Variants in EXPH5 observed in about 807,000 individuals in gnomAD.
EXPH5 encodes the protein exophilin 5.
Under a neutral mutation model 41.1 loss-of-function variants are expected in EXPH5, and 42 were observed. The observed-to-expected ratio is 1.02, with a 90% CI of 0.80 to 1.32. EXPH5 has a LOEUF of 1.32. Ranked by LOEUF, EXPH5 falls within the 40% of genes most tolerant of loss-of-function variation. The pLI is 0.00. For missense variants in EXPH5, 2,298 were observed against 2,314.5 expected (o/e 0.99, Z 0.15); for synonymous variants, 798 against 833.5 (o/e 0.96, Z 0.73).
chr11:108,601,026 G>C, the EXPH5 span, among the ~76,000 whole-genome samples: 1 of 152,226 alleles, frequency 6.6e-6, no homozygotes. Flanking sequence ...GGCAAGAACT[G>C]TTCACCATAC....
intron 3 of EXPH5, among the ~76,000 whole-genome samples, chr11:108,532,366 ATTTTTTTTTTTT>A (rs1168217383): frequency 1.3e-3 from 41 of 32,100 alleles, no homozygotes; most frequent in South Asian, 6.0e-3. Context: ...ATATATATAT[ATTTTTTTTTTTT>A]TTTTTTTTTT....
In EXPH5 at chr11:108,559,007, C is replaced by A. The variant is rs182879718; in HGVS notation, c.120-17195G>T. On this transcript the variant is annotated intron_variant, in intron 1 of 5. Transcript: ENST00000265843. ...AATTAAGCTTGTACCTAGCTCAGAC[C>A]CCCCTCACCCCACCAGCATGATGAT... is the stretch of plus-strand genomic sequence containing the variant. 4.1e-4 allele frequency among the ~76,000 whole-genome samples: 63 copies of A among 152,194 alleles called. No individual in the cohort carries two copies. The East Asian group carries it at 8.9e-3, about 21-fold the overall frequency.
intron 4 of EXPH5, among the ~76,000 whole-genome samples, chr11:108,525,511 G>A (rs1749908667): frequency 6.6e-6 from 1 of 152,200 alleles, no homozygotes; most frequent in South Asian, 2.1e-4. Flanking sequence ...TGTTTCTCTA[G>A]CTCTAAAATT....
At position 108,582,235 on chromosome 11, in the gene EXPH5, G is replaced by A. The variant is rs536036855; in HGVS notation, c.119+11183C>T. Among the ~76,000 whole-genome samples, 17 of 152,226 alleles carry A rather than the reference G, an allele frequency of 1.1e-4. 1 individual carries two copies. Among genetic ancestry groups the A allele is most frequent in the African/African-American group, 3.6e-4 (15 of 41,514 alleles). ...TCCCAGCACTTTGGGAGGCTGGGGCGGGGGATCACTTGAACCCAAGAGTTC... is the reference window on the plus strand; with the variant it reads ...TCCCAGCACTTTGGGAGGCTGGGGCAGGGGATCACTTGAACCCAAGAGTTC... On this transcript the variant is annotated intron_variant, in intron 1 of 5. Transcript: ENST00000265843.
rs755678654 is a variant in EXPH5 at position 108,513,851 on chromosome 11, C to T, written c.1656G>A (p.Gln552=). The change falls in exon 6 of 6, where the codon CAG becomes CAA. Residue 552 remains glutamine (Q), a synonymous_variant. Transcript: ENST00000265843. ...SRGQEEPHPW[Q]FDFQRSTLDS... is the part of the protein sequence containing the mutation. The stretch of plus-strand genomic sequence containing the variant: ...CCAGTGTGGATCTCTGAAAATCAAA[C>T]TGCCAAGGATGTGGCTCTTCTTGGC... The T allele has an allele frequency of 1.3e-6, 2 of 1,588,480 alleles. No homozygotes were observed. The highest frequency in any genetic ancestry group is 2.3e-5 in the South Asian group (2 of 86,620).
chr11:108,522,190 A>AT (rs548026475), intron 4 of EXPH5, among the ~76,000 whole-genome samples: 2,615 of 146,104 alleles, frequency 0.018, 52 homozygotes, highest in African/African-American at 0.051. Context: ...GAGGTTAGTG[A>AT]TTTTTTTTTT....
chr11:108,557,250 C>T (rs1030600999), intron 1 of EXPH5, among the ~76,000 whole-genome samples: 4 of 151,902 alleles, frequency 2.6e-5, no homozygotes, highest in Admixed American at 2.6e-4. Context: ...GTTCTGTCAC[C>T]CAGGCTGGAG....
intron 1 of EXPH5, among the ~76,000 whole-genome samples, chr11:108,549,667 T>C (rs1404865121): frequency 6.6e-6 from 1 of 152,228 alleles, no homozygotes; most frequent in African/African-American, 2.4e-5. Flanking sequence ...TCCTTGTTAA[T>C]GATACCCTCC....
intron 1 of EXPH5, among the ~76,000 whole-genome samples, chr11:108,585,075 T>C (rs2094109420): frequency 6.6e-6 from 1 of 152,062 alleles, no homozygotes; most frequent in African/African-American, 2.4e-5. Context: ...ATAACCCAAC[T>C]AAAAACTGTT....
chr11:108,586,141 GT>G (rs1376217881), intron 1 of EXPH5, among the ~76,000 whole-genome samples: 2 of 151,390 alleles, frequency 1.3e-5, no homozygotes, highest in Admixed American at 1.3e-4. Context: ...GTTTTGCCAT[GT>G]TGGCCAGGCT....
upstream of EXPH5, among the ~76,000 whole-genome samples, chr11:108,596,672 G>A (rs142538023): frequency 6.6e-6 from 1 of 152,306 alleles, no homozygotes; most frequent in Non-Finnish European, 1.5e-5. Context: ...GATAGCAAAG[G>A]AAGGATGAGG....
chr11:108,598,611 A>T (rs1293156465), upstream of EXPH5, among the ~76,000 whole-genome samples: 1 of 152,082 alleles, frequency 6.6e-6, no homozygotes, highest in Non-Finnish European at 1.5e-5. Context: ...GGGTACCCTG[A>T]GGTGACACAT....
At chr11:108,570,742 C>T (rs1565829079) in intron 1 of EXPH5, among the ~76,000 whole-genome samples, 1 of 152,120 alleles carries the variant, frequency 6.6e-6, no homozygotes, top group Non-Finnish European at 1.5e-5. Context: ...ATGGGGGTCT[C>T]GCTACGTTGT....
intron 1 of EXPH5, among the ~76,000 whole-genome samples, chr11:108,559,167 A>G (rs940405178): frequency 2.0e-5 from 3 of 152,186 alleles, no homozygotes; most frequent in African/African-American, 7.2e-5. Flanking sequence ...CTGGATTGTC[A>G]GCTCCCCAAG....
intron 4 of EXPH5, among the ~76,000 whole-genome samples, chr11:108,523,165 C>T (rs572535940): frequency 2.9e-4 from 44 of 152,248 alleles, no homozygotes; most frequent in Non-Finnish European, 4.6e-4. Context: ...CATGAACCAC[C>T]ACGCCCAGCC....
intron 1 of EXPH5, among the ~76,000 whole-genome samples, chr11:108,592,033 C>G (rs1286219550): frequency 6.6e-6 from 1 of 152,146 alleles, no homozygotes; most frequent in African/African-American, 2.4e-5. Context: ...AAATTCCGTG[C>G]AGTTCTGAAA....
upstream of EXPH5, among the ~76,000 whole-genome samples, chr11:108,595,312 A>T (rs1250896440): frequency 1.3e-5 from 2 of 152,260 alleles, no homozygotes; most frequent in African/African-American, 4.8e-5. Flanking sequence ...CCATGAGCAC[A>T]CAGAAAAGTT....
chr11:108,547,092 C>T (rs1034689428), intron 1 of EXPH5, among the ~76,000 whole-genome samples: 8 of 152,122 alleles, frequency 5.3e-5, no homozygotes, highest in African/African-American at 1.2e-4. Context: ...TGAGCCACTG[C>T]GCCTGGCCAT....
intron 1 of EXPH5, 139 bp from the exon 2 acceptor site, chr11:108,541,951 C>A: frequency 1.6e-6 from 1 of 626,032 alleles, no homozygotes; most frequent in Non-Finnish European, 2.6e-6. Context: ...AACCTCGTCT[C>A]ACTGCAACCT....
Sources: gnomAD v4.1 joint callset for allele counts (sites outside exome capture counted in the v4.1 genomes callset) on GRCh38, gnomAD v4.1.1 for gene constraint, MANE v1.5 for transcripts, NCBI Gene and HGNC (gene_info 2026-07-23, HGNC 2026-07-21) for gene names.